The following NIBAN1 variants were observed in gnomAD, a reference collection of about 807,000 sequenced individuals.
NIBAN1 encodes the protein protein Niban 1.
A neutral mutation model predicts 75.1 loss-of-function variants in NIBAN1; 81 were observed. The observed-to-expected ratio is 1.08, with a 90% CI of 0.90 to 1.30. The LOEUF (loss-of-function observed/expected upper bound fraction) is 1.30. Ranked by LOEUF, NIBAN1 falls within the 50% of genes most tolerant of loss-of-function variation. The pLI is 0.00. For missense variants in NIBAN1, 1,133 were observed against 1,128.1 expected, an observed-to-expected ratio of 1.00 and a Z score of -0.06; for synonymous variants, 436 against 424.8, an observed-to-expected ratio of 1.03 and a Z score of -0.32.
chr1:184,809,135 C>T lies in NIBAN1; in HGVS notation c.1174-900G>A, dbSNP rs75037968. Among the ~76,000 whole-genome samples the T allele has an allele frequency of 5.5e-3, 840 of 152,182 alleles. 12 individuals are homozygous for T. The East Asian group carries it at 0.072, about 13-fold the overall frequency. On this transcript the variant is annotated intron_variant, in intron 9 of 13. Coordinates refer to ENST00000367511, the MANE Select transcript of NIBAN1 (RefSeq NM_052966.4). ...GATGCACTGTCCGACTTTCAGCTCA[C>T]GCAGAAGAGATAATCTAGATTTCTA... is the stretch of plus-strand genomic sequence containing the variant.
chr1:184,873,869 T>G (rs988114188), intron 5 of NIBAN1, among the ~76,000 whole-genome samples: 6 of 152,152 alleles, frequency 3.9e-5, no homozygotes, highest in African/African-American at 1.2e-4. Flanking sequence ...TAAGAGAGTA[T>G]AGTAAAAGTT....
chr1:184,823,259 C>A lies in NIBAN1; in HGVS notation c.893G>T (p.Cys298Phe). ...TTCCAGGCCCTTTGTCAGAGCTCTG[C>A]ATTCCTCCTTCAAGGCACTTAATCC... ...SEGLSALKEE[C>F]RALTKGLEGT... Residue 298 changes from cysteine (C) to phenylalanine (F), a missense_variant, in exon 8 of 14, where the codon TGC (cysteine) becomes TTC (phenylalanine). Transcript: ENST00000367511. The A allele has an allele frequency of 1.2e-6, 2 of 1,614,216 alleles. No individual in the cohort carries two copies. The highest frequency in any genetic ancestry group is 1.1e-5 in the South Asian group (1 of 91,082).
chr1:184,932,978 G>C (rs1657864561), intron 1 of NIBAN1, among the ~76,000 whole-genome samples: 1 of 152,128 alleles, frequency 6.6e-6, no homozygotes, highest in African/African-American at 2.4e-5. Flanking sequence ...AATGCAGAAA[G>C]CATAACAAAA....
At position 184,883,246 on chromosome 1, in the gene NIBAN1, C is replaced by T. The variant is rs199906573; in HGVS notation, c.601+1387G>A. 3.3e-5 allele frequency among the ~76,000 whole-genome samples: 5 copies of T among 152,300 alleles called. No individual in the cohort carries two copies. In the East Asian group the frequency reaches 9.6e-4, roughly 29 times the overall value. On this transcript the variant is annotated intron_variant, in intron 5 of 13. Transcript: ENST00000367511. ...GGACTCCCCTGGAGAGCTGAAAGTT[C>T]GGCACTCCTTTCTTCACTAGTTAGT...
chr1:184,796,236 G>A (rs1653861784), intron 13 of NIBAN1, 139 bp from the exon 14 acceptor site: 1 of 772,082 alleles, frequency 1.3e-6, no homozygotes, highest in African/African-American at 1.8e-5. Flanking sequence ...GATGACCAAA[G>A]TCTATAAACT....
intron 5 of NIBAN1, among the ~76,000 whole-genome samples, chr1:184,865,342 C>A (rs1328492344): frequency 2.6e-5 from 4 of 152,008 alleles, no homozygotes; most frequent in Non-Finnish European, 5.9e-5. Flanking sequence ...CCATTATAAG[C>A]AAATTAACAC....
intron 1 of NIBAN1, among the ~76,000 whole-genome samples, chr1:184,951,408 T>C (rs1336813303): frequency 6.6e-6 from 1 of 152,226 alleles, no homozygotes; most frequent in Non-Finnish European, 1.5e-5. Context: ...AAGTGAACTC[T>C]TCATTTTCTC....
At chr1:184,869,985 AG>A (rs1202906067) in intron 5 of NIBAN1, among the ~76,000 whole-genome samples, 1 of 152,240 alleles carries the variant, frequency 6.6e-6, no homozygotes, top group Non-Finnish European at 1.5e-5. Flanking sequence ...TATGTTTAAA[AG>A]GAAGACCCTA....
At chr1:184,826,274 T>C (rs1341515992) in intron 6 of NIBAN1, among the ~76,000 whole-genome samples, 1 of 152,226 alleles carries the variant, frequency 6.6e-6, no homozygotes, top group African/African-American at 2.4e-5. Context: ...GGGGATGTTT[T>C]TGACCTTTCT....
chr1:184,804,880 C>A (rs1436917712), intron 11 of NIBAN1, among the ~76,000 whole-genome samples: 1 of 152,044 alleles, frequency 6.6e-6, no homozygotes, highest in Non-Finnish European at 1.5e-5. Context: ...GCTCCACCTC[C>A]CAGGTTCACG....
chr1:184,806,111 C>T (rs554149617), intron 10 of NIBAN1, 55 bp from the exon 11 acceptor site: 2 of 1,452,988 alleles, frequency 1.4e-6, no homozygotes, highest in East Asian at 2.3e-5. Flanking sequence ...GGGATCACCA[C>T]CCACAGGCCT....
intron 5 of NIBAN1, among the ~76,000 whole-genome samples, chr1:184,857,954 T>C (rs550233684): frequency 1.3e-5 from 2 of 151,770 alleles, no homozygotes; most frequent in Non-Finnish European, 2.9e-5. Flanking sequence ...TATAAAACCT[T>C]CAAGAAAAAT....
chr1:184,822,654 C>G (rs1039555420), intron 8 of NIBAN1, among the ~76,000 whole-genome samples: 1 of 152,092 alleles, frequency 6.6e-6, no homozygotes, highest in Admixed American at 6.6e-5. Context: ...GGCTACAAAC[C>G]TACATTTATT....
At chr1:184,918,561 T>G (rs1657451569) in intron 1 of NIBAN1, among the ~76,000 whole-genome samples, 1 of 152,234 alleles carries the variant, frequency 6.6e-6, no homozygotes, top group South Asian at 2.1e-4. Context: ...CTGCCTGTAC[T>G]GTTCACCCTT....
At chr1:184,894,323 T>C in intron 2 of NIBAN1, 117 bp from the exon 3 acceptor site, 1 of 1,133,970 alleles carries the variant, frequency 8.8e-7, no homozygotes, top group South Asian at 1.9e-5. Context: ...ACTGAGATCC[T>C]GGGGAAACTG....
At chr1:184,851,571 A>G (rs1390278685) in intron 5 of NIBAN1, among the ~76,000 whole-genome samples, 1 of 27,984 alleles carries the variant, frequency 3.6e-5, no homozygotes, top group Non-Finnish European at 7.2e-5. Context: ...TGGCACATGT[A>G]TACATATGTA....
chr1:184,947,422 A>G (rs1336592333), intron 1 of NIBAN1, among the ~76,000 whole-genome samples: 1 of 152,218 alleles, frequency 6.6e-6, no homozygotes, highest in Non-Finnish European at 1.5e-5. Flanking sequence ...ATGAGCACAA[A>G]GTTTATGTTG....
rs566042586 is a variant in NIBAN1, at chr1:184,882,262, GT to G, written c.601+2370del. ...GTTAAGTGGCAGCTTGTGAAAGCCT[GT>G]TTCTGGTTTACTCAAAATAATACAA... On this transcript the variant is annotated intron_variant, in intron 5 of 13. Coordinates refer to ENST00000367511, the MANE Select transcript of NIBAN1 (RefSeq NM_052966.4). Among the ~76,000 whole-genome samples, 152 of 152,294 alleles carry G rather than the reference GT, an allele frequency of 1.0e-3. 1 individual carries two copies. The highest frequency in any genetic ancestry group is 3.4e-3 in the African/African-American group (141 of 41,556).
At chr1:184,908,198 C>T (rs1410739320) in intron 1 of NIBAN1, among the ~76,000 whole-genome samples, 1 of 152,194 alleles carries the variant, frequency 6.6e-6, no homozygotes, top group East Asian at 1.9e-4. Flanking sequence ...TAAAAGCAAG[C>T]CCAGTATCTC....
Sources: gnomAD v4.1 joint callset for allele counts (sites outside exome capture counted in the v4.1 genomes callset) on GRCh38, gnomAD v4.1.1 for gene constraint, MANE v1.5 for transcripts, NCBI Gene and HGNC (gene_info 2026-07-23, HGNC 2026-07-21) for gene names.